The following CHD1 variants were observed in gnomAD, a reference collection of about 807,000 sequenced individuals.
The protein encoded by CHD1 is chromodomain helicase DNA binding protein 1.
A neutral mutation model predicts 224.2 loss-of-function variants in CHD1; 36 were observed. That is an observed-to-expected ratio of 0.16 (90% CI 0.12 to 0.21). The LOEUF is 0.21. CHD1 is among the 10% of genes least tolerant of loss of function. The pLI, the probability that CHD1 is intolerant of heterozygous loss-of-function variation, is 1.00. For synonymous variants in CHD1, 668 were observed against 658.3 expected (o/e 1.01, Z -0.23); for missense variants, 1,378 against 1,994.8 (o/e 0.69, Z 5.89).
rs1286503610 is a variant in CHD1, at chr5:98,859,010, G to C, written c.4530C>G (p.Asn1510Lys). The C allele has an allele frequency of 6.3e-7, 1 of 1,578,926 alleles. No homozygotes were observed. The highest frequency in any genetic ancestry group is 1.4e-5 in the African/African-American group (1 of 72,480). The change falls in exon 34 of 36, where the codon AAC (asparagine) becomes AAG (lysine). Residue 1510 changes from asparagine to lysine, a missense_variant. Around this residue, in one of 16 missense-constraint regions of CHD1, gnomAD observed 278 missense variants for 298.5 expected, o/e 0.93. Coordinates refer to ENST00000614616, the MANE Select transcript of CHD1 (RefSeq NM_001270.4). ...GATTCAAGTTGCTGTTTTGATCACTGTTTTGCTAAAATAAATGCACACGTG... is the reference window on the plus strand; with the variant it reads ...GATTCAAGTTGCTGTTTTGATCACTCTTTTGCTAAAATAAATGCACACGTG... ...AIKKRQESQQ[N>K]SDQNSNLNPH...
At position 98,879,702 on chromosome 5, in the gene CHD1, C is replaced by T; in HGVS notation, c.3087G>A (p.Glu1029=). The T allele has an allele frequency of 6.2e-7, 1 of 1,600,798 alleles. No homozygotes were observed. Among genetic ancestry groups the T allele is most frequent in the Non-Finnish European group, 8.5e-7 (1 of 1,176,714 alleles). ...TTTCAGGTTCCAACTCAATGTCATC[C>T]TCATCCATATTTGAGAAGTTGGCAA... ...FKVANFSNMD[E]DDIELEPERN... The change falls in exon 23 of 36, where the codon GAG becomes GAA. Residue 1029 remains glutamate (E), a synonymous_variant. Coordinates refer to ENST00000614616, the MANE Select transcript of CHD1 (RefSeq NM_001270.4).
At position 98,889,201 on chromosome 5, in the gene CHD1, C is replaced by A. The variant is rs1221021058; in HGVS notation, c.2218G>T (p.Gly740Cys). 1 of 1,605,146 alleles carries A rather than the reference C, an allele frequency of 6.2e-7. No homozygotes were observed. ...AAGCCTGAGGTACTGCCCTTGGAAC[C>A]TTTGCTGAGGGCTTTGTAATTCCTA... is the stretch of plus-strand genomic sequence containing the variant. ...LTRNYKALSK[G>C]SKGSTSGFLN... The change falls in exon 16 of 36, where the codon GGT (glycine) becomes TGT (cysteine). Residue 740 changes from glycine (G) to cysteine (C), a missense_variant. This residue lies in a region of CHD1 where 58 missense variants were observed against 90.0 expected (regional missense o/e 0.64). Transcript: ENST00000614616.
intron 12 of CHD1, among the ~76,000 whole-genome samples, chr5:98,895,975 G>A (rs748612440): frequency 6.6e-5 from 10 of 152,072 alleles, no homozygotes; most frequent in Non-Finnish European, 1.5e-4. Flanking sequence ...GGGAGGCCAA[G>A]GGAGGCAGAT....
chr5:98,871,418 T>C (rs1749333954), intron 28 of CHD1, among the ~76,000 whole-genome samples: 2 of 123,912 alleles, frequency 1.6e-5, no homozygotes, highest in Non-Finnish European at 3.3e-5. Flanking sequence ...GCTAGCACAG[T>C]GCAACCAAAT....
intron 22 of CHD1, among the ~76,000 whole-genome samples, chr5:98,880,258 C>A (rs1225453249): frequency 1.3e-5 from 2 of 152,200 alleles, no homozygotes; most frequent in Non-Finnish European, 2.9e-5. Flanking sequence ...ACTATCACAG[C>A]CGGGCGAAGT....
chr5:98,898,011 A>C (rs1203168803), intron 10 of CHD1, among the ~76,000 whole-genome samples: 2 of 151,990 alleles, frequency 1.3e-5, no homozygotes, highest in Non-Finnish European at 2.9e-5. Context: ...AACACTTAAG[A>C]AGATACATTG....
chr5:98,890,051 AG>A (rs898472428), intron 15 of CHD1, among the ~76,000 whole-genome samples: 1 of 152,114 alleles, frequency 6.6e-6, no homozygotes, highest in Non-Finnish European at 1.5e-5. Flanking sequence ...CGACTACTAG[AG>A]GGGGGAAGGA....
At chr5:98,926,254 A>G (rs1312674835) in intron 2 of CHD1, 80 bp downstream of exon 2, 1 of 868,076 alleles carries the variant, frequency 1.2e-6, no homozygotes, top group African/African-American at 1.8e-5. Context: ...AAAACTAAAT[A>G]ACAACAATAA....
At chr5:98,874,928 G>C (rs1416042749) in intron 25 of CHD1, 144 bp downstream of exon 25, 6 of 557,326 alleles carry the variant, frequency 1.1e-5, no homozygotes, top group Non-Finnish European at 1.9e-5. Flanking sequence ...AAAACAATCT[G>C]AAATTTCCCT....
intron 2 of CHD1, among the ~76,000 whole-genome samples, chr5:98,912,999 G>A (rs1220304145): frequency 4.6e-5 from 7 of 152,042 alleles, no homozygotes; most frequent in African/African-American, 1.7e-4. Flanking sequence ...CCTGATAGAA[G>A]GTAAACTAAT....
intron 17 of CHD1, among the ~76,000 whole-genome samples, 159 bp downstream of exon 17, chr5:98,887,929 G>A (rs370638471): frequency 4.3e-4 from 66 of 152,174 alleles, no homozygotes; most frequent in African/African-American, 1.3e-3. Flanking sequence ...AAGAAAAACC[G>A]GGAATGACAA....
chr5:98,900,711 C>CA (rs1751647140), intron 7 of CHD1, 100 bp downstream of exon 7: 1 of 1,070,654 alleles, frequency 9.3e-7, no homozygotes, highest in Non-Finnish European at 1.3e-6. Flanking sequence ...CTCGGCCCCC[C>CA]AAAGTACTGG....
intron 24 of CHD1, among the ~76,000 whole-genome samples, chr5:98,875,319 AGAT>A (rs1319094935): frequency 6.6e-6 from 1 of 152,200 alleles, no homozygotes; most frequent in Non-Finnish European, 1.5e-5. Flanking sequence ...TTAACATCCA[AGAT>A]GATGTTTAGA....
intron 2 of CHD1, among the ~76,000 whole-genome samples, chr5:98,912,823 T>C (rs1360304032): frequency 6.6e-6 from 1 of 152,202 alleles, no homozygotes; most frequent in Non-Finnish European, 1.5e-5. Flanking sequence ...CTTAGATCTG[T>C]TATTTATTTT....
intron 2 of CHD1, among the ~76,000 whole-genome samples, chr5:98,910,873 T>C (rs749038760): frequency 1.3e-5 from 2 of 151,752 alleles, no homozygotes; most frequent in African/African-American, 4.8e-5. Flanking sequence ...ATTCTACAAA[T>C]AGTGATACAA....
intron 31 of CHD1, among the ~76,000 whole-genome samples, chr5:98,867,598 T>C (rs917753976): frequency 3.3e-5 from 5 of 152,126 alleles, no homozygotes; most frequent in Non-Finnish European, 1.5e-5. Flanking sequence ...TTTAATGGCA[T>C]TGGGAATTTA....
chr5:98,881,922 A>G lies in CHD1; in HGVS notation c.2867+53T>C, dbSNP rs986995174. On this transcript the variant is annotated intron_variant, in intron 20 of 35. Coordinates refer to ENST00000614616, the MANE Select transcript of CHD1 (RefSeq NM_001270.4). Reference sequence around the variant, plus strand: ...ATCTACAGTGATGTAACATATCAAAAATATGAGTTTACTGACTCTAAAATG... The same window carrying G: ...ATCTACAGTGATGTAACATATCAAAGATATGAGTTTACTGACTCTAAAATG... The G allele has an allele frequency of 2.1e-4, 309 of 1,495,188 alleles. 1 individual carries two copies. The highest frequency in any genetic ancestry group is 8.8e-4 in the Middle Eastern group (4 of 4,562). The allele number at this position is 1,495,188 out of a possible 1,614,324, so 92.6% of individuals were successfully genotyped here. A position where few individuals can be genotyped will look rare whatever the true frequency, so the allele number is the denominator to read the frequency against.
intron 2 of CHD1, among the ~76,000 whole-genome samples, chr5:98,918,870 A>T (rs535039481): frequency 6.6e-6 from 1 of 152,288 alleles, no homozygotes; most frequent in South Asian, 2.1e-4. Context: ...CAAAAGTTAA[A>T]GCATGCTATG....
intron 17 of CHD1, chr5:98,885,911 A>T: frequency 2.6e-6 from 1 of 391,658 alleles, no homozygotes; most frequent in Non-Finnish European, 4.6e-6. Context: ...AAAGTATGTG[A>T]TTGAGTACAT....
Sources: allele counts gnomAD v4.1 joint callset (sites outside exome capture counted in the v4.1 genomes callset), GRCh38; gene constraint gnomAD v4.1.1; regional missense constraint gnomAD v4.1.1; transcripts MANE v1.5; gene names NCBI Gene and HGNC (gene_info 2026-07-23, HGNC 2026-07-21).